Variants in MPP7 observed in about 807,000 individuals in gnomAD.
MPP7 encodes the protein MAGUK p55 scaffold protein 7.
MPP7 carries 60 observed loss-of-function variants against 76.5 expected under a neutral mutation model. The ratio of observed to expected loss-of-function variants is 0.78; its 90% CI spans 0.64 to 0.97. The LOEUF (loss-of-function observed/expected upper bound fraction) is 0.97, where lower values mean the gene tolerates loss of function less well. Ranked by LOEUF, MPP7 falls within the 50% of genes least tolerant of loss-of-function variation. MPP7 has a pLI of 0.00. For synonymous variants in MPP7, 237 were observed against 244.5 expected (o/e 0.97, Z 0.29); for missense variants, 641 against 694.0 (o/e 0.92, Z 0.86).
chr10:28,125,877 G>A (rs913338561), intron 6 of MPP7, among the ~76,000 whole-genome samples: 1 of 152,148 alleles, frequency 6.6e-6, no homozygotes, highest in African/African-American at 2.4e-5. Context: ...AAGAACAACA[G>A]GCACAAGTGG....
At chr10:28,063,749 C>T (rs1161853061) in intron 13 of MPP7, among the ~76,000 whole-genome samples, 3 of 152,132 alleles carry the variant, frequency 2.0e-5, no homozygotes, top group African/African-American at 7.2e-5. Context: ...ACAGTTTCAT[C>T]CTGACACCAT....
At chr10:28,317,948 A>G (rs1834337566) in intron 2 of MPP7, among the ~76,000 whole-genome samples, 1 of 152,194 alleles carries the variant, frequency 6.6e-6, no homozygotes, top group Admixed American at 6.5e-5. Context: ...AAAAATACAA[A>G]TGTGTGATGC....
At chr10:28,299,737 G>A (rs550798480) in intron 1 of MPP7, among the ~76,000 whole-genome samples, 63 of 150,086 alleles carry the variant, frequency 4.2e-4, no homozygotes, top group Admixed American at 5.3e-4. Flanking sequence ...CTTTCCTTCC[G>A]AATGTATCTC....
intron 12 of MPP7, among the ~76,000 whole-genome samples, chr10:28,086,349 A>G (rs1461751360): frequency 6.6e-6 from 1 of 152,220 alleles, no homozygotes; most frequent in Non-Finnish European, 1.5e-5. Context: ...AAAGCAAAGC[A>G]CTTGGCCCCA....
At chr10:28,282,590 G>C (rs965610113) in intron 1 of MPP7, among the ~76,000 whole-genome samples, 20 of 151,978 alleles carry the variant, frequency 1.3e-4, no homozygotes, top group African/African-American at 4.6e-4. Context: ...CGCACAATTG[G>C]GGCGGTGGGG....
At chr10:28,090,929 T>C (rs1197883787) in intron 11 of MPP7, among the ~76,000 whole-genome samples, 1 of 152,118 alleles carries the variant, frequency 6.6e-6, no homozygotes, top group Non-Finnish European at 1.5e-5. Flanking sequence ...GGCAGATCGC[T>C]TGAGCCCAGG....
chr10:28,114,824 G>A (rs1330018954), intron 11 of MPP7, among the ~76,000 whole-genome samples: 1 of 152,162 alleles, frequency 6.6e-6, no homozygotes, highest in Non-Finnish European at 1.5e-5. Context: ...GCTTCCAATG[G>A]AAAGACTAGA....
intron 1 of MPP7, among the ~76,000 whole-genome samples, chr10:28,278,384 C>T (rs977332695): frequency 6.6e-6 from 1 of 152,028 alleles, no homozygotes; most frequent in African/African-American, 2.4e-5. Flanking sequence ...ATCAGACTTT[C>T]GACTTACTGG....
chr10:28,214,119 G>C (rs1309518165), intron 2 of MPP7, among the ~76,000 whole-genome samples: 1 of 152,116 alleles, frequency 6.6e-6, no homozygotes. Flanking sequence ...GCTTTTACAA[G>C]ATAAACAGCA....
At chr10:28,162,550 C>G (rs1341210749) in intron 3 of MPP7, among the ~76,000 whole-genome samples, 1 of 152,152 alleles carries the variant, frequency 6.6e-6, no homozygotes, top group Non-Finnish European at 1.5e-5. Context: ...CCAAAGAACT[C>G]CAAGTTCAGA....
rs150238896 is a variant in MPP7, at chr10:28,155,804, C to G, written c.157-5745G>C. Among the ~76,000 whole-genome samples, 18 of 152,164 alleles carry G rather than the reference C, an allele frequency of 1.2e-4. No homozygotes were observed. The East Asian group carries it at 2.7e-3, about 23-fold the overall frequency. The stretch of plus-strand genomic sequence containing the variant: ...AACAAAACAAAACAAACAAACTGGT[C>G]ACTGCTCAGTGCAGATGACTTTGGG... On this transcript the variant is annotated intron_variant, in intron 3 of 16. Transcript: ENST00000683449.
intron 1 of MPP7, among the ~76,000 whole-genome samples, chr10:28,258,167 G>C (rs1289097943): frequency 2.7e-5 from 4 of 150,450 alleles, no homozygotes; most frequent in Non-Finnish European, 5.9e-5. Context: ...ACAGACACAA[G>C]TCTAGAACCC....
At chr10:28,058,027 G>A (rs1201213085) in intron 15 of MPP7, among the ~76,000 whole-genome samples, 4 of 152,140 alleles carry the variant, frequency 2.6e-5, no homozygotes, top group Non-Finnish European at 4.4e-5. Flanking sequence ...TACATTTCCT[G>A]CAAAATGCCC....
intron 1 of MPP7, among the ~76,000 whole-genome samples, chr10:28,266,585 GA>G (rs573085072): frequency 2.2e-4 from 33 of 151,780 alleles, no homozygotes; most frequent in African/African-American, 7.7e-4. Flanking sequence ...AAAGAAAAAA[GA>G]AAAAAAAGTG....
At position 28,299,815 on chromosome 10, in the gene MPP7, G is replaced by C. The variant is rs182000099; in HGVS notation, c.-132+3046C>G. ...GAGTCTCGCTCTGTGGCCCAGGCTGGAGTGCAGTGGCACGATCTCAGCTTA... is the reference window on the plus strand; with the variant it reads ...GAGTCTCGCTCTGTGGCCCAGGCTGCAGTGCAGTGGCACGATCTCAGCTTA... On this transcript the variant is annotated intron_variant, in intron 1 of 16. Transcript: ENST00000683449. Among the ~76,000 whole-genome samples, 246 of 145,138 alleles carry C rather than the reference G, an allele frequency of 1.7e-3. 1 individual carries two copies. The highest frequency in any genetic ancestry group is 6.0e-3 in the African/African-American group (235 of 39,206).
At chr10:28,156,820 C>G (rs1200103308) in intron 3 of MPP7, among the ~76,000 whole-genome samples, 1 of 152,200 alleles carries the variant, frequency 6.6e-6, no homozygotes, top group Non-Finnish European at 1.5e-5. Flanking sequence ...TCTAGCTGCC[C>G]TGTTCCCAAA....
chr10:28,241,728 A>G (rs1268592562), intron 1 of MPP7, among the ~76,000 whole-genome samples: 1 of 152,224 alleles, frequency 6.6e-6, no homozygotes, highest in Non-Finnish European at 1.5e-5. Flanking sequence ...CCCGAAAGCC[A>G]GGAACATAAC....
chr10:28,145,494 T>C (rs1480304472), intron 5 of MPP7, among the ~76,000 whole-genome samples: 2 of 152,194 alleles, frequency 1.3e-5, no homozygotes, highest in Non-Finnish European at 2.9e-5. Flanking sequence ...GATTAACTGA[T>C]TATATCCTGA....
chr10:28,187,016 T>C (rs921466588), intron 3 of MPP7, among the ~76,000 whole-genome samples: 2 of 152,180 alleles, frequency 1.3e-5, no homozygotes, highest in East Asian at 1.9e-4. Context: ...CAGAGATTTC[T>C]AGGTAAGAAA....
Sources: gnomAD v4.1 joint callset for allele counts (sites outside exome capture counted in the v4.1 genomes callset) on GRCh38, gnomAD v4.1.1 for gene constraint, MANE v1.5 for transcripts, NCBI Gene and HGNC (gene_info 2026-07-23, HGNC 2026-07-21) for gene names.